Variants in AS3MT observed in about 807,000 individuals in gnomAD.
AS3MT encodes the protein arsenite methyltransferase.
A neutral mutation model predicts 45.3 loss-of-function variants in AS3MT; 47 were observed. The observed-to-expected ratio is 1.04, with a 90% CI of 0.82 to 1.32. The LOEUF is 1.32. Ranked by LOEUF, AS3MT falls within the 40% of genes most tolerant of loss-of-function variation. The pLI, the probability that AS3MT is intolerant of heterozygous loss-of-function variation, is 0.00. For synonymous variants in AS3MT, 141 were observed against 152.8 expected (o/e 0.92, Z 0.57); for missense variants, 396 against 451.1 (o/e 0.88, Z 1.11).
Position 102,869,529 on chromosome 10 carries a change from CGCGCCCTG to C in AS3MT, c.-63_-56del. On this transcript the variant is annotated 5_prime_UTR_variant, in exon 1 of 11. Transcript: ENST00000369880. The stretch of plus-strand genomic sequence containing the variant: ...TCGCAGGCCGAGGAGACAGTGAGTG[CGCGCCCTG>C]AGTCGCAGGCCGAGGAGACAGTGAG... The C allele has an allele frequency of 1.5e-6, 2 of 1,313,906 alleles. No individual in the cohort carries two copies. Among genetic ancestry groups the C allele is most frequent in the South Asian group, 2.9e-5 (2 of 69,792 alleles). 81.4% of individuals were successfully genotyped at this position (1,313,906 alleles called of 1,614,324 possible).
In AS3MT at chr10:102,870,183, C is replaced by A; in HGVS notation, c.142C>A (p.Gln48Lys). 1 of 1,614,178 alleles carries A rather than the reference C, an allele frequency of 6.2e-7. No individual in the cohort carries two copies. The highest frequency in any genetic ancestry group is 8.5e-7 in the Non-Finnish European group (1 of 1,180,034). Reference protein sequence around the residue: ...PVPKHIREALQNVHEEVALRY... With the variant: ...PVPKHIREALKNVHEEVALRY... The stretch of plus-strand genomic sequence containing the variant: ...CCCCAAGCACATCCGGGAAGCCTTG[C>A]AAAATGTACACGAAGAAGTAGCCCT... Residue 48 changes from glutamine to lysine, a missense_variant, in exon 3 of 11, where the codon CAA becomes AAA. By Grantham distance (53) the Gln-to-Lys change is moderately conservative (BLOSUM62 1). Coordinates refer to ENST00000369880, the MANE Select transcript of AS3MT (RefSeq NM_020682.4).
At chr10:102,873,368 C>A in intron 5 of AS3MT, 135 bp downstream of exon 5, 1 of 598,472 alleles carries the variant, frequency 1.7e-6, no homozygotes, top group Non-Finnish European at 2.5e-6. Context: ...ATAACCTCTG[C>A]CTCCCGGGTT....
chr10:102,886,605 A>G (rs894387769), intron 9 of AS3MT, among the ~76,000 whole-genome samples: 9 of 151,714 alleles, frequency 5.9e-5, no homozygotes, highest in Admixed American at 5.9e-4. Flanking sequence ...GGTGTTAGCC[A>G]TTGTGCCCGG....
intron 8 of AS3MT, 102 bp downstream of exon 8, chr10:102,878,612 T>G: frequency 6.8e-7 from 1 of 1,473,662 alleles, no homozygotes. Context: ...TGAGGGATAC[T>G]TTCTGTTATC....
chr10:102,897,012 G>A (rs1312330025), intron 10 of AS3MT, among the ~76,000 whole-genome samples: 1 of 152,166 alleles, frequency 6.6e-6, no homozygotes, highest in Non-Finnish European at 1.5e-5. Context: ...AAGGAAAGCT[G>A]CTGGTGAGAA....
At chr10:102,897,527 T>C (rs1233202150) in intron 10 of AS3MT, among the ~76,000 whole-genome samples, 1 of 151,138 alleles carries the variant, frequency 6.6e-6, no homozygotes, top group Non-Finnish European at 1.5e-5. Context: ...TGGAGTGCAG[T>C]GGCACGATCT....
At chr10:102,872,648 T>C (rs1342034643) in intron 4 of AS3MT, 50 bp downstream of exon 4, 8 of 1,557,094 alleles carry the variant, frequency 5.1e-6, no homozygotes, top group Non-Finnish European at 6.1e-6. Flanking sequence ...AAAAGCATTA[T>C]TTGAAAAATA....
At chr10:102,873,821 C>T (rs926834234) in intron 5 of AS3MT, among the ~76,000 whole-genome samples, 1 of 152,184 alleles carries the variant, frequency 6.6e-6, no homozygotes, top group African/African-American at 2.4e-5. Context: ...ACAATACATG[C>T]TGACCTGTAT....
chr10:102,891,948 C>CAAAAAAAAAA (rs57594880), intron 10 of AS3MT, among the ~76,000 whole-genome samples: 2 of 57,844 alleles, frequency 3.5e-5, no homozygotes, highest in Non-Finnish European at 6.0e-5. Flanking sequence ...GACTCTGTCT[C>CAAAAAAAAAA]AAAAAAAAAA....
rs1364929563 is a variant in AS3MT, at chr10:102,900,936, A to T, written c.*236A>T. 2.4e-5 allele frequency: 9 copies of T among 379,212 alleles called. No homozygotes were observed. The highest frequency in any genetic ancestry group is 5.0e-6 in the Non-Finnish European group (1 of 200,288). The allele number at this position is 379,212 out of a possible 1,614,324, so 23.5% of individuals were successfully genotyped here. ...CTGTCTCTACCAAAAATACAAAAAA[A>T]ATTAGCTGGGCATGGTGGTGCACAC... On this transcript the variant is annotated 3_prime_UTR_variant, in exon 11 of 11. Transcript: ENST00000369880.
chr10:102,886,035 C>A (rs1844948726), intron 9 of AS3MT, among the ~76,000 whole-genome samples: 1 of 151,934 alleles, frequency 6.6e-6, no homozygotes, highest in Admixed American at 6.6e-5. Context: ...TTTTCTTTAT[C>A]CGTTCATCTG....
intron 9 of AS3MT, among the ~76,000 whole-genome samples, chr10:102,885,972 T>A (rs1844947249): frequency 6.6e-6 from 1 of 152,084 alleles, no homozygotes; most frequent in African/African-American, 2.4e-5. Flanking sequence ...AGGCCAGGAT[T>A]TCCTTCTTTT....
intron 5 of AS3MT, 149 bp from the exon 6 acceptor site, chr10:102,874,443 T>C (rs1195668861): frequency 1.7e-6 from 1 of 597,598 alleles, no homozygotes; most frequent in Non-Finnish European, 3.0e-6. Flanking sequence ...GGGAAAAGCT[T>C]AGTTGAAGGC....
Position 102,888,052 on chromosome 10 carries a change from C to A in AS3MT, c.886-2492C>A, listed in dbSNP as rs76968473. 561 of 164,228 alleles carry A rather than the reference C, an allele frequency of 3.4e-3. 2 individuals carry two copies. Among genetic ancestry groups the A allele is most frequent in the Middle Eastern group, 9.9e-3 (3 of 304 alleles). 10.2% of individuals were successfully genotyped at this position (164,228 alleles called of 1,614,324 possible). A position where few individuals can be genotyped will look rare whatever the true frequency, so the allele number is the denominator to read the frequency against. ...TGCTCCTTTCGATGGTTATAATGCT[C>A]CACCAAGATTCCCAGCTTTTCCATT... is the stretch of plus-strand genomic sequence containing the variant. On this transcript the variant is annotated intron_variant, in intron 9 of 10. Transcript: ENST00000369880.
intron 10 of AS3MT, among the ~76,000 whole-genome samples, chr10:102,891,945 T>A: frequency 1.4e-5 from 1 of 72,870 alleles, no homozygotes. Flanking sequence ...TGAGACTCTG[T>A]CTCAAAAAAA....
At chr10:102,890,747 G>A in intron 10 of AS3MT, 69 bp downstream of exon 10, 1 of 1,490,748 alleles carries the variant, frequency 6.7e-7, no homozygotes, top group Non-Finnish European at 9.1e-7. Flanking sequence ...GTCTCTCTCT[G>A]TCACCCAGAC....
intron 10 of AS3MT, 41 bp downstream of exon 10, chr10:102,890,719 A>G (rs764971413): frequency 1.9e-6 from 3 of 1,577,210 alleles, no homozygotes; most frequent in Non-Finnish European, 2.6e-6. Context: ...TATTTTATTT[A>G]TTTATTTTTG....
At chr10:102,872,402 T>G (rs772843530) in intron 3 of AS3MT, 46 bp from the exon 4 acceptor site, 2 of 1,601,636 alleles carry the variant, frequency 1.2e-6, no homozygotes, top group Non-Finnish European at 1.7e-6. Flanking sequence ...AGTGGTTTCA[T>G]GTCTTACAGT....
chr10:102,890,822 C>T (rs1845058449), intron 10 of AS3MT, 144 bp downstream of exon 10: 16 of 648,396 alleles, frequency 2.5e-5, no homozygotes, highest in Non-Finnish European at 3.1e-5. Flanking sequence ...GCAATTCTCC[C>T]TGCCTCAGCC....
Sources: allele counts gnomAD v4.1 joint callset (sites outside exome capture counted in the v4.1 genomes callset), GRCh38; gene constraint gnomAD v4.1.1; transcripts MANE v1.5; gene names NCBI Gene and HGNC (gene_info 2026-07-23, HGNC 2026-07-21).